The following FBXO11 variants were observed in gnomAD, a reference collection of about 807,000 sequenced individuals.
The protein encoded by FBXO11 is F-box only protein 11.
FBXO11 carries 13 observed loss-of-function variants against 117.0 expected under a neutral mutation model. The ratio of observed to expected loss-of-function variants is 0.11; its 90% confidence interval spans 0.07 to 0.18. The LOEUF is 0.18. Ranked by LOEUF, FBXO11 falls within the 10% of genes least tolerant of loss-of-function variation. The pLI, the probability that FBXO11 is intolerant of heterozygous loss-of-function variation, is 1.00. For missense variants in FBXO11, 767 were observed against 1,164.4 expected (o/e 0.66, Z 4.97); for synonymous variants, 490 against 380.5 (o/e 1.29, Z -3.35).
chr2:47,888,894 A>C (rs1677060702), intron 1 of FBXO11, among the ~76,000 whole-genome samples: 1 of 152,220 alleles, frequency 6.6e-6, no homozygotes, highest in East Asian at 1.9e-4. Flanking sequence ...CAGGTTATTC[A>C]AAGTAATTTG....
chr2:47,856,864 A>T (rs755722597), intron 1 of FBXO11, among the ~76,000 whole-genome samples: 43 of 152,354 alleles, frequency 2.8e-4, no homozygotes, highest in Admixed American at 2.6e-4. Flanking sequence ...CGTAATACAA[A>T]GGACGGAGTC....
chr2:47,817,626 G>A (rs1671093366), intron 16 of FBXO11, among the ~76,000 whole-genome samples: 2 of 152,254 alleles, frequency 1.3e-5, no homozygotes, highest in South Asian at 4.1e-4. Context: ...TGAGAGATAC[G>A]CAACTCCTCC....
At chr2:47,829,810 T>C (rs1672047733) in intron 11 of FBXO11, among the ~76,000 whole-genome samples, 2 of 151,836 alleles carry the variant, frequency 1.3e-5, no homozygotes, top group Admixed American at 6.6e-5. Flanking sequence ...GTAAAAAAGG[T>C]AGTAAAACGT....
chr2:47,839,048 T>A, intron 3 of FBXO11, 45 bp from the exon 4 acceptor site: 1 of 1,554,004 alleles, frequency 6.4e-7, no homozygotes, highest in Non-Finnish European at 8.7e-7. Context: ...GCAATAACTT[T>A]CTCATTATTT....
chr2:47,873,156 G>A (rs990703204), intron 1 of FBXO11, among the ~76,000 whole-genome samples: 2 of 152,208 alleles, frequency 1.3e-5, no homozygotes, highest in African/African-American at 4.8e-5. Context: ...CTTGAAAGGT[G>A]TAAATCTAGA....
At chr2:47,824,184 T>G (rs1671580308) in intron 11 of FBXO11, among the ~76,000 whole-genome samples, 1 of 152,222 alleles carries the variant, frequency 6.6e-6, no homozygotes, top group Admixed American at 6.5e-5. Flanking sequence ...AAACTCTGGC[T>G]GCCTTAAAAA....
chr2:47,829,147 G>C (rs1295377432), intron 11 of FBXO11, among the ~76,000 whole-genome samples: 7 of 152,032 alleles, frequency 4.6e-5, no homozygotes, highest in Non-Finnish European at 8.8e-5. Flanking sequence ...TGCCTACCTT[G>C]TCCTCCCAAA....
At chr2:47,849,399 A>G (rs1673671495) in intron 1 of FBXO11, among the ~76,000 whole-genome samples, 1 of 152,222 alleles carries the variant, frequency 6.6e-6, no homozygotes, top group Non-Finnish European at 1.5e-5. Flanking sequence ...TAACACACAT[A>G]CGTTCTTACA....
chr2:47,834,688 G>A lies in FBXO11; in HGVS notation c.825C>T (p.Ala275=), dbSNP rs2104823585. The change falls in exon 7 of 23, where the codon GCC becomes GCT. Residue 275 remains alanine, a synonymous_variant. Transcript: ENST00000403359. The part of the protein sequence containing the change: ...NMLYYDTIED[A]LGGVQEAHFD... ...AATGAGCCTCTTGTACCCCACCAAGGGCATCTTCAATAGTATCATAATACT... is the reference window on the plus strand; with the variant it reads ...AATGAGCCTCTTGTACCCCACCAAGAGCATCTTCAATAGTATCATAATACT... The A allele has an allele frequency of 3.1e-6, 5 of 1,611,692 alleles. No homozygotes were observed. Among genetic ancestry groups the A allele is most frequent in the East Asian group, 2.2e-5 (1 of 44,776 alleles).
At chr2:47,810,295 G>A (rs767540363) in intron 19 of FBXO11, 21 bp downstream of exon 19, 1 of 1,497,576 alleles carries the variant, frequency 6.7e-7, no homozygotes, top group Non-Finnish European at 9.2e-7. Flanking sequence ...TAAGCCACAG[G>A]TAAGAAAAGA....
At chr2:47,897,166 TAA>T (rs1677730528) in intron 1 of FBXO11, among the ~76,000 whole-genome samples, 2 of 152,200 alleles carry the variant, frequency 1.3e-5, no homozygotes, top group South Asian at 4.1e-4. Flanking sequence ...CCTTTCCTAC[TAA>T]GTGTTAGAAT....
In FBXO11 at chr2:47,901,388, G is replaced by GA. The variant is rs1183122311; in HGVS notation, c.232+4100dup. ...AGTCCTGTGACTTTTCCAATAACTA[G>GA]AAAAAAAATACATCTATTTTCAAAA... On this transcript the variant is annotated intron_variant, in intron 1 of 22. Coordinates refer to ENST00000403359, the MANE Select transcript of FBXO11 (RefSeq NM_001190274.2). Among the ~76,000 whole-genome samples, 5 of 150,742 alleles carry GA rather than the reference G, an allele frequency of 3.3e-5. No homozygotes were observed. The South Asian group carries it at 1.0e-3, about 31-fold the overall frequency.
chr2:47,905,317 G>GGGCCC (rs560847095), intron 1 of FBXO11, 172 bp downstream of exon 1: 92 of 589,712 alleles, frequency 1.6e-4, no homozygotes, highest in South Asian at 9.1e-4. Flanking sequence ...CCTGCCGGCC[G>GGGCCC]GGCCCGGCCC....
intron 1 of FBXO11, among the ~76,000 whole-genome samples, chr2:47,902,828 C>T (rs542272750): frequency 6.6e-6 from 1 of 152,042 alleles, no homozygotes; most frequent in Non-Finnish European, 1.5e-5. Context: ...CTTTGATTCC[C>T]TATCTGGAAA....
At chr2:47,889,502 G>A (rs1393734335) in intron 1 of FBXO11, among the ~76,000 whole-genome samples, 1 of 152,194 alleles carries the variant, frequency 6.6e-6, no homozygotes, top group East Asian at 1.9e-4. Context: ...AACTTATCAA[G>A]TGAGTGTGAG....
intron 1 of FBXO11, among the ~76,000 whole-genome samples, chr2:47,902,713 C>G (rs1437632823): frequency 6.6e-6 from 1 of 152,074 alleles, no homozygotes; most frequent in African/African-American, 2.4e-5. Flanking sequence ...ACATATTATA[C>G]TGTAACTATT....
At chr2:47,870,318 T>TA (rs1349048520) in intron 1 of FBXO11, among the ~76,000 whole-genome samples, 2 of 152,154 alleles carry the variant, frequency 1.3e-5, no homozygotes, top group Non-Finnish European at 2.9e-5. Flanking sequence ...GATTGCTACA[T>TA]AGTCTCTGTG....
chr2:47,816,937 G>A (rs1208817644), intron 16 of FBXO11, among the ~76,000 whole-genome samples: 2 of 152,126 alleles, frequency 1.3e-5, no homozygotes, highest in African/African-American at 4.8e-5. Context: ...AGCACTGCCT[G>A]CAACTTAAAG....
chr2:47,861,911 T>G (rs927635769), intron 1 of FBXO11, among the ~76,000 whole-genome samples: 5 of 151,772 alleles, frequency 3.3e-5, no homozygotes, highest in Non-Finnish European at 7.4e-5. Context: ...GGTTAAGTTT[T>G]TTTTTTTTTT....
Sources: allele counts gnomAD v4.1 joint callset (sites outside exome capture counted in the v4.1 genomes callset), GRCh38; gene constraint gnomAD v4.1.1; transcripts MANE v1.5; gene names NCBI Gene and HGNC (gene_info 2026-07-23, HGNC 2026-07-21).